CLINT1: variants seen among roughly 807,000 people sequenced by gnomAD.
CLINT1 encodes the protein clathrin interacting protein localized in the trans-Golgi region.
A neutral mutation model predicts 70.4 loss-of-function variants in CLINT1; 15 were observed. That is an observed-to-expected ratio of 0.21 (90% CI 0.14 to 0.33). CLINT1 has a LOEUF of 0.33. CLINT1 is among the 10% of genes least tolerant of loss of function. The pLI is 1.00. For synonymous variants in CLINT1, 227 were observed against 254.7 expected, an observed-to-expected ratio of 0.89 and a Z score of 1.04; for missense variants, 615 against 778.1, an observed-to-expected ratio of 0.79 and a Z score of 2.49.
In CLINT1 at chr5:157,785,825, C is replaced by T. The variant is rs549251646; in HGVS notation, c.*1821G>A. 11 of 152,228 alleles carry T rather than the reference C, an allele frequency of 7.2e-5. No homozygotes were observed. The highest frequency in any genetic ancestry group is 2.6e-4 in the African/African-American group (11 of 41,570). The allele number at this position is 152,228 out of a possible 1,614,324, so 9.4% of individuals were successfully genotyped here. A position where few individuals can be genotyped will look rare whatever the true frequency, so the allele number is the denominator to read the frequency against. The stretch of plus-strand genomic sequence containing the variant: ...ATATACTTCTTAAAGAAAAAATTTA[C>T]TTAAGATGATCGGTTTTAAATATCA... On this transcript the variant is annotated 3_prime_UTR_variant, in exon 12 of 12. Coordinates refer to ENST00000411809, the MANE Select transcript of CLINT1 (RefSeq NM_014666.4).
intron 1 of CLINT1, among the ~76,000 whole-genome samples, chr5:157,843,760 G>A (rs1380829826): frequency 1.3e-5 from 2 of 152,148 alleles, no homozygotes; most frequent in Non-Finnish European, 2.9e-5. Context: ...AAAAAAAGTA[G>A]TAAAATCAGT....
chr5:157,825,505 A>C (rs981204111), intron 1 of CLINT1, among the ~76,000 whole-genome samples: 1 of 152,192 alleles, frequency 6.6e-6, no homozygotes, highest in Non-Finnish European at 1.5e-5. Flanking sequence ...ATCTATTTAA[A>C]ATAATTCTGG....
chr5:157,832,961 C>G (rs1212383128), intron 1 of CLINT1, among the ~76,000 whole-genome samples: 1 of 152,202 alleles, frequency 6.6e-6, no homozygotes, highest in East Asian at 1.9e-4. Context: ...TTCTACCAGA[C>G]TAGGGCCAAA....
chr5:157,830,767 T>TCC (rs1763205879), intron 1 of CLINT1, among the ~76,000 whole-genome samples: 1 of 102,976 alleles, frequency 9.7e-6, no homozygotes, highest in Non-Finnish European at 2.0e-5. Context: ...CCTCTCTCTC[T>TCC]CTCTCTCTCT....
In CLINT1 at chr5:157,791,807, G is replaced by C. The variant is rs763861401; in HGVS notation, c.1276C>G (p.Leu426Val). ...AASNSSDLFD[L>V]MGSSQATMTS... ...ATGGTTGCCTGGGACGAGCCCATAA[G>C]ATCAAACAGGTCTGAAGAATTTGAG... The change falls in exon 10 of 12, where the codon CTT becomes GTT. Residue 426 changes from leucine (L) to valine (V), a missense_variant. Transcript: ENST00000411809. The C allele has an allele frequency of 1.9e-6, 3 of 1,613,866 alleles. No individual in the cohort carries two copies. In the African/African-American group the frequency reaches 4.0e-5, roughly 22 times the overall value.
At chr5:157,831,055 CAAACAAAAA>C (rs1480147684) in intron 1 of CLINT1, among the ~76,000 whole-genome samples, 1 of 151,476 alleles carries the variant, frequency 6.6e-6, no homozygotes, top group Non-Finnish European at 1.5e-5. Flanking sequence ...AAAAAACAAA[CAAACAAAAA>C]AAAGTTTAAA....
At chr5:157,831,688 A>C (rs1287288044) in intron 1 of CLINT1, among the ~76,000 whole-genome samples, 2 of 146,508 alleles carry the variant, frequency 1.4e-5, no homozygotes, top group African/African-American at 5.0e-5. Context: ...AAGAGTGAAA[A>C]TATCCTTTTT....
intron 1 of CLINT1, among the ~76,000 whole-genome samples, chr5:157,825,756 A>G (rs1048308357): frequency 6.6e-5 from 10 of 152,166 alleles, no homozygotes; most frequent in African/African-American, 1.9e-4. Context: ...TAAGGACTGT[A>G]TTCTTTTTTT....
At position 157,785,911 on chromosome 5, in the gene CLINT1, C is replaced by T. The variant is rs1318828884; in HGVS notation, c.*1735G>A. The T allele has an allele frequency of 6.6e-6, 1 of 152,178 alleles. No homozygotes were observed. The highest frequency in any genetic ancestry group is 2.4e-5 in the African/African-American group (1 of 41,444). 9.4% of individuals were successfully genotyped at this position (152,178 alleles called of 1,614,324 possible). On this transcript the variant is annotated 3_prime_UTR_variant, in exon 12 of 12. Coordinates refer to ENST00000411809, the MANE Select transcript of CLINT1 (RefSeq NM_014666.4). The stretch of plus-strand genomic sequence containing the variant: ...GCTTGATTGCTCTGAAGTAACAACA[C>T]TTGAAAGCTCCTATTCTTTGAAACT...
At chr5:157,841,315 C>CA (rs200564774) in intron 1 of CLINT1, among the ~76,000 whole-genome samples, 2,377 of 151,766 alleles carry the variant, frequency 0.016, 65 homozygotes, top group African/African-American at 0.054. Flanking sequence ...CCTATAATCC[C>CA]AGCACTTTGG....
At chr5:157,813,960 G>C (rs900421080) in intron 4 of CLINT1, among the ~76,000 whole-genome samples, 1 of 152,080 alleles carries the variant, frequency 6.6e-6, no homozygotes, top group Non-Finnish European at 1.5e-5. Context: ...ATATAAACCC[G>C]AACACTCATG....
intron 1 of CLINT1, among the ~76,000 whole-genome samples, chr5:157,839,316 C>T (rs1454951115): frequency 6.6e-6 from 1 of 151,634 alleles, no homozygotes; most frequent in Non-Finnish European, 1.5e-5. Context: ...GAACTTTGTC[C>T]CAGGCCAGGT....
chr5:157,858,099 G>C (rs1446578414), intron 1 of CLINT1, among the ~76,000 whole-genome samples: 1 of 152,172 alleles, frequency 6.6e-6, no homozygotes. Context: ...AGAGACTAAA[G>C]TTATTTCAGT....
chr5:157,817,475 T>G lies in CLINT1; in HGVS notation c.114A>C (p.Gly38=). Residue 38 remains glycine, a synonymous_variant, in exon 2 of 12, where the codon GGA becomes GGC. Transcript: ENST00000411809. ...TCTCTCCCATGAGTTGCCCAGAAGG[T>G]CCCCAAGGATCATCGTTCGTTGCCT... ...VREATNDDPW[G]PSGQLMGEIA... 6.2e-7 allele frequency: 1 copy of G among 1,604,466 alleles called. No individual in the cohort carries two copies. The highest frequency in any genetic ancestry group is 8.5e-7 in the Non-Finnish European group (1 of 1,174,870).
At chr5:157,838,374 C>T (rs766660757) in intron 1 of CLINT1, among the ~76,000 whole-genome samples, 4 of 152,142 alleles carry the variant, frequency 2.6e-5, no homozygotes, top group South Asian at 2.1e-4. Context: ...CCACCTGCCT[C>T]GGCCTCCCAA....
intron 3 of CLINT1, among the ~76,000 whole-genome samples, chr5:157,815,663 A>T (rs1762697651): frequency 6.6e-6 from 1 of 152,222 alleles, no homozygotes; most frequent in South Asian, 2.1e-4. Context: ...TGTTCTGCGT[A>T]ATGTGCCATT....
chr5:157,831,868 T>A (rs768438291), intron 1 of CLINT1, among the ~76,000 whole-genome samples: 1 of 152,142 alleles, frequency 6.6e-6, no homozygotes, highest in East Asian at 1.9e-4. Context: ...ATTTTTGTAT[T>A]TGTAGTAGAG....
intron 6 of CLINT1, among the ~76,000 whole-genome samples, chr5:157,807,867 T>C (rs545966409): frequency 3.9e-5 from 6 of 152,124 alleles, no homozygotes; most frequent in Non-Finnish European, 8.8e-5. Flanking sequence ...CATAGCGTTA[T>C]TGTTTATAAG....
At chr5:157,791,576 C>T (rs181304995) in intron 10 of CLINT1, 127 bp downstream of exon 10, 5 of 830,492 alleles carry the variant, frequency 6.0e-6, no homozygotes, top group South Asian at 5.0e-5. Context: ...TATACACACA[C>T]AGACACATAT....
Sources: gnomAD v4.1 joint callset for allele counts (sites outside exome capture counted in the v4.1 genomes callset) on GRCh38, gnomAD v4.1.1 for gene constraint, MANE v1.5 for transcripts, NCBI Gene and HGNC (gene_info 2026-07-23, HGNC 2026-07-21) for gene names.